CPEB3: variants seen among roughly 807,000 people sequenced by gnomAD.
The protein encoded by CPEB3 is cytoplasmic polyadenylation element-binding protein 3.
A neutral mutation model predicts 67.2 loss-of-function variants in CPEB3; 20 were observed. The observed-to-expected ratio is 0.30, with a 90% CI of 0.21 to 0.43. The LOEUF is 0.43. CPEB3 is among the 20% of genes least tolerant of loss of function. CPEB3 has a pLI of 1.00. For synonymous variants in CPEB3, 376 were observed against 393.1 expected, an observed-to-expected ratio of 0.96 and a Z score of 0.51; for missense variants, 746 against 968.6, an observed-to-expected ratio of 0.77 and a Z score of 3.05.
chr10:92,140,600 C>G (rs1428091694), intron 6 of CPEB3, among the ~76,000 whole-genome samples: 7 of 151,224 alleles, frequency 4.6e-5, no homozygotes, highest in African/African-American at 1.7e-4. Context: ...ACAGCAAAAG[C>G]AATGGCAACA....
intron 4 of CPEB3, among the ~76,000 whole-genome samples, chr10:92,154,304 GAACA>G (rs1376308886): frequency 2.0e-5 from 3 of 152,096 alleles, no homozygotes; most frequent in Non-Finnish European, 2.9e-5. Flanking sequence ...TTGTCTACTG[GAACA>G]AATTCAAAAT....
chr10:92,204,484 T>G (rs1469984957), intron 2 of CPEB3, among the ~76,000 whole-genome samples: 43 of 152,298 alleles, frequency 2.8e-4, no homozygotes, highest in Non-Finnish European at 2.9e-5. Flanking sequence ...AGCTACAGAC[T>G]ATAGCTCTTC....
intron 9 of CPEB3, among the ~76,000 whole-genome samples, chr10:92,072,848 G>A (rs1207520506): frequency 6.6e-6 from 1 of 152,100 alleles, no homozygotes; most frequent in Non-Finnish European, 1.5e-5. Flanking sequence ...CCTCAAGTAT[G>A]CGGAGGCAGA....
At position 92,111,001 on chromosome 10, in the gene CPEB3, A is replaced by G. The variant is rs148237929; in HGVS notation, c.1572+75T>C. The G allele has an allele frequency of 5.6e-4, 582 of 1,046,362 alleles. 2 individuals carry two copies. The highest frequency in any genetic ancestry group is 7.9e-4 in the Non-Finnish European group (525 of 661,716). The allele number at this position is 1,046,362 out of a possible 1,614,324, so 64.8% of individuals were successfully genotyped here. A position where few individuals can be genotyped will look rare whatever the true frequency, so the allele number is the denominator to read the frequency against. On this transcript the variant is annotated intron_variant, in intron 7 of 9. Transcript: ENST00000265997. ...GATCCTAGTTACCAGCATTTCCATT[A>G]TCAGAAAGAGGAGGTCAGCTATTCC...
intron 7 of CPEB3, among the ~76,000 whole-genome samples, chr10:92,099,223 C>CTT (rs11286697): frequency 7.0e-6 from 1 of 142,342 alleles, no homozygotes. Flanking sequence ...GTCTTTTCGT[C>CTT]TTTTTTTTTT....
chr10:92,178,558 A>C (rs950281852), intron 4 of CPEB3, among the ~76,000 whole-genome samples: 2 of 152,170 alleles, frequency 1.3e-5, no homozygotes, highest in African/African-American at 4.8e-5. Flanking sequence ...ATAAAAAGAA[A>C]GACCAGGTGT....
At chr10:92,078,155 G>A (rs1215347539) in intron 9 of CPEB3, among the ~76,000 whole-genome samples, 3 of 151,996 alleles carry the variant, frequency 2.0e-5, no homozygotes, top group Non-Finnish European at 4.4e-5. Context: ...ACTGTACACC[G>A]AAGCTCAGAA....
intron 6 of CPEB3, among the ~76,000 whole-genome samples, chr10:92,122,500 T>A (rs2094919406): frequency 6.6e-6 from 1 of 152,170 alleles, no homozygotes; most frequent in Admixed American, 6.5e-5. Flanking sequence ...GGATACCTGA[T>A]CTCCAAGATT....
intron 3 of CPEB3, among the ~76,000 whole-genome samples, chr10:92,184,829 T>C (rs1848616401): frequency 6.6e-6 from 1 of 152,072 alleles, no homozygotes; most frequent in Admixed American, 6.6e-5. Context: ...TGCAAAAAAA[T>C]GGAGAAAACA....
At position 92,051,758 on chromosome 10, in the gene CPEB3, A is replaced by G. The variant is rs1841901091; in HGVS notation, c.*454T>C. On this transcript the variant is annotated 3_prime_UTR_variant, in exon 10 of 10. Transcript: ENST00000265997. ...TTTTTGCTACATCTGCCACCTACTC[A>G]CGAGTATTACCTTTGGTAAGTCTTG... 6.5e-6 allele frequency: 1 copy of G among 154,452 alleles called. No homozygotes were observed. Among genetic ancestry groups the G allele is most frequent in the Non-Finnish European group, 1.4e-5 (1 of 69,572 alleles). The allele number at this position is 154,452 out of a possible 1,614,324, so 9.6% of individuals were successfully genotyped here.
At chr10:92,204,705 G>A (rs922412248) in intron 2 of CPEB3, among the ~76,000 whole-genome samples, 17 of 151,992 alleles carry the variant, frequency 1.1e-4, no homozygotes, top group African/African-American at 4.1e-4. Flanking sequence ...TGAATCTCAA[G>A]TTTATTGTAC....
chr10:92,272,521 A>G (rs1853352231), intron 1 of CPEB3, among the ~76,000 whole-genome samples: 1 of 152,226 alleles, frequency 6.6e-6, no homozygotes, highest in Admixed American at 6.5e-5. Flanking sequence ...CTATAAACTC[A>G]AGAGTGTGTA....
At chr10:92,218,115 AAAC>A (rs1471649469) in intron 2 of CPEB3, among the ~76,000 whole-genome samples, 6 of 152,246 alleles carry the variant, frequency 3.9e-5, no homozygotes, top group South Asian at 2.1e-4. Flanking sequence ...CTATCTCAAA[AAAC>A]AACAACAAGG....
intron 6 of CPEB3, among the ~76,000 whole-genome samples, chr10:92,115,095 C>T (rs1844943740): frequency 6.6e-6 from 1 of 152,192 alleles, no homozygotes; most frequent in African/African-American, 2.4e-5. Context: ...GAAAGAGCTG[C>T]GGGGCGCGGG....
At chr10:92,158,992 T>TAACA (rs1847338058) in intron 4 of CPEB3, among the ~76,000 whole-genome samples, 1 of 152,246 alleles carries the variant, frequency 6.6e-6, no homozygotes, top group African/African-American at 2.4e-5. Flanking sequence ...CTGGGTGTGG[T>TAACA]GGCTCACACC....
intron 1 of CPEB3, among the ~76,000 whole-genome samples, chr10:92,266,054 T>G (rs899958043): frequency 1.4e-4 from 22 of 152,256 alleles, no homozygotes; most frequent in African/African-American, 5.1e-4. Context: ...GCCCTCGACA[T>G]GTGATGCCCT....
chr10:92,052,453 G>A lies in CPEB3; in HGVS notation c.1870-14C>T, dbSNP rs371412431. On this transcript the variant is annotated splice_polypyrimidine_tract_variant and intron_variant, in intron 9 of 9. Transcript: ENST00000265997. ...CTTTACTTCAACCTGGACCCAAAGA[G>A]GAAAGACAGAGAAAAATGATTTAGC... 6 of 1,595,112 alleles carry A rather than the reference G, an allele frequency of 3.8e-6. No homozygotes were observed. Among genetic ancestry groups the A allele is most frequent in the Admixed American group, 3.4e-5 (2 of 59,626 alleles).
chr10:92,119,510 C>A (rs540507070), intron 6 of CPEB3, among the ~76,000 whole-genome samples: 2 of 152,140 alleles, frequency 1.3e-5, no homozygotes, highest in African/African-American at 4.8e-5. Flanking sequence ...AGAAACAATA[C>A]CAGCTCTGTG....
At chr10:92,245,345 T>A (rs1852015240) in intron 1 of CPEB3, among the ~76,000 whole-genome samples, 1 of 151,696 alleles carries the variant, frequency 6.6e-6, no homozygotes, top group South Asian at 2.1e-4. Context: ...ACAACAGTGG[T>A]CAGGCTGGTC....
Sources: allele counts gnomAD v4.1 joint callset (sites outside exome capture counted in the v4.1 genomes callset), GRCh38; gene constraint gnomAD v4.1.1; transcripts MANE v1.5; gene names NCBI Gene and HGNC (gene_info 2026-07-23, HGNC 2026-07-21).